Variants in KYAT3 observed in about 807,000 individuals in gnomAD.
The protein encoded by KYAT3 is kynurenine--oxoglutarate transaminase 3.
In KYAT3, 50 loss-of-function variants were observed where a neutral mutation model predicts 59.0. The observed-to-expected ratio is 0.85, with a 90% CI of 0.68 to 1.07. The LOEUF (loss-of-function observed/expected upper bound fraction) is 1.07, where lower values mean the gene tolerates loss of function less well. Among genes scored for constraint, KYAT3 ranks in the 50% least tolerant of loss-of-function variants. The probability of loss-of-function intolerance (pLI) is 0.00; values close to 1 mark genes in which losing one functional copy is unlikely to be tolerated. For synonymous variants in KYAT3, 148 were observed against 177.0 expected, an observed-to-expected ratio of 0.84 and a Z score of 1.30; for missense variants, 497 against 533.3, an observed-to-expected ratio of 0.93 and a Z score of 0.67.
intron 3 of KYAT3, 139 bp from the exon 4 acceptor site, chr1:88,968,953 A>T: frequency 1.7e-6 from 1 of 598,980 alleles, no homozygotes; most frequent in Non-Finnish European, 2.8e-6. Flanking sequence ...AGTTTCCAAC[A>T]AAAATTTACC....
downstream of KYAT3, among the ~76,000 whole-genome samples, chr1:88,933,353 T>C (rs1674949483): frequency 6.6e-6 from 1 of 150,630 alleles, no homozygotes. Flanking sequence ...GTGATACTTA[T>C]GGAAGGAAGG....
At chr1:88,944,102 G>A (rs1190447056) in intron 11 of KYAT3, among the ~76,000 whole-genome samples, 1 of 152,028 alleles carries the variant, frequency 6.6e-6, no homozygotes, top group African/African-American at 2.4e-5. Context: ...TTTGCTTTAA[G>A]GTCTGGGCAA....
chr1:88,949,081 C>T lies in KYAT3; in HGVS notation c.1141+10G>A. ...TCCGTATAGTTGAAATAATAAAAGC[C>T]TTTACAAACCTAGCAAAGACACATC... is the stretch of plus-strand genomic sequence containing the variant. On this transcript the variant is annotated intron_variant, in intron 11 of 13. Transcript: ENST00000260508. The T allele has an allele frequency of 6.5e-7, 1 of 1,527,902 alleles. No homozygotes were observed. The highest frequency in any genetic ancestry group is 1.7e-4 in the Middle Eastern group (1 of 5,718). The allele number at this position is 1,527,902 out of a possible 1,614,324, so 94.6% of individuals were successfully genotyped here.
intron 2 of KYAT3, among the ~76,000 whole-genome samples, chr1:88,975,534 T>C (rs1270264856): frequency 6.6e-6 from 1 of 152,204 alleles, no homozygotes; most frequent in African/African-American, 2.4e-5. Flanking sequence ...ACGTGGAAGG[T>C]GAGTGCTGTA....
chr1:88,983,082 A>G, intron 2 of KYAT3: 1 of 1,612,420 alleles, frequency 6.2e-7, no homozygotes, highest in Non-Finnish European at 8.5e-7. Flanking sequence ...CGTGAACTGG[A>G]ATGACCATAA....
At chr1:88,973,645 C>G (rs1182753968) in intron 2 of KYAT3, among the ~76,000 whole-genome samples, 10 of 152,150 alleles carry the variant, frequency 6.6e-5, no homozygotes, top group African/African-American at 1.9e-4. Context: ...CTAGTGAAAT[C>G]AAAGGTAGCA....
chr1:88,987,107 C>G (rs78869971), intron 2 of KYAT3, among the ~76,000 whole-genome samples: 1 of 152,192 alleles, frequency 6.6e-6, no homozygotes, highest in Non-Finnish European at 1.5e-5. Flanking sequence ...CTGGGACATA[C>G]ATCAGAATCA....
downstream of KYAT3, among the ~76,000 whole-genome samples, chr1:88,931,566 G>A (rs556373328): frequency 6.6e-6 from 1 of 152,034 alleles, no homozygotes; most frequent in African/African-American, 2.4e-5. Flanking sequence ...CTGTTGAGAG[G>A]GGGGACTGAG....
intron 2 of KYAT3, chr1:88,982,408 C>T (rs984166755): frequency 2.1e-5 from 19 of 893,598 alleles, no homozygotes; most frequent in Admixed American, 7.1e-5. Flanking sequence ...AACACTAGTA[C>T]TACAAGGCTT....
intron 2 of KYAT3, among the ~76,000 whole-genome samples, chr1:88,974,915 G>A (rs978785391): frequency 6.6e-6 from 1 of 152,198 alleles, no homozygotes; most frequent in African/African-American, 2.4e-5. Flanking sequence ...CAATCAGCAG[G>A]ATGTGGGCAG....
At chr1:88,981,256 C>A (rs1434806675) in intron 2 of KYAT3, 1 of 152,058 alleles carries the variant, frequency 6.6e-6, no homozygotes, top group Non-Finnish European at 1.5e-5. Context: ...TAAGCCACCA[C>A]AAAAAAATGT....
At chr1:88,974,324 AT>A (rs1676675686) in intron 2 of KYAT3, among the ~76,000 whole-genome samples, 1 of 151,848 alleles carries the variant, frequency 6.6e-6, no homozygotes, top group South Asian at 2.1e-4. Flanking sequence ...TATTTTATGA[AT>A]TTTCTGAGTC....
In KYAT3 at chr1:88,961,502, G is replaced by T. The variant is rs547112700; in HGVS notation, c.545C>A (p.Pro182His). ...ACTAGACCATCTTTTTCCATAAACA[G>T]GTTTCTAAGCATGAAGAATGAAGAT... is the stretch of plus-strand genomic sequence containing the variant. ...TPVFIPLRSK[P>H]VYGKRWSSSD... The change falls in exon 7 of 14, where the codon CCT becomes CAT. Residue 182 changes from proline to histidine, a missense_variant. Around this residue, in one of 2 missense-constraint regions of KYAT3, gnomAD observed 469 missense variants for 479.1 expected, o/e 0.98. Transcript: ENST00000260508. 1 of 1,609,550 alleles carries T rather than the reference G, an allele frequency of 6.2e-7. No homozygotes were observed. Among genetic ancestry groups the T allele is most frequent in the Admixed American group, 1.7e-5 (1 of 59,482 alleles).
intron 13 of KYAT3, among the ~76,000 whole-genome samples, 188 bp downstream of exon 13, chr1:88,942,817 C>A (rs1030656084): frequency 1.3e-5 from 2 of 152,020 alleles, no homozygotes; most frequent in African/African-American, 4.8e-5. Flanking sequence ...CCGCCTCGGC[C>A]TCCCAAAGTG....
chr1:88,979,986 A>G (rs897775894), intron 2 of KYAT3: 5 of 152,236 alleles, frequency 3.3e-5, no homozygotes, highest in Non-Finnish European at 7.3e-5. Flanking sequence ...CTACTCAGCA[A>G]TAAAAGGAAT....
chr1:88,953,191 T>C lies in KYAT3; in HGVS notation c.865-39A>G, dbSNP rs376578285. 5.0e-5 allele frequency: 68 copies of C among 1,360,508 alleles called. No homozygotes were observed. In the African/African-American group the frequency reaches 9.0e-4, roughly 18 times the overall value. The allele number at this position is 1,360,508 out of a possible 1,614,324, so 84.3% of individuals were successfully genotyped here. ...AGATAAAAGATTTCAGAAAATCTAA[T>C]TGTATATAACAAATCTGAGACAGCA... On this transcript the variant is annotated intron_variant, in intron 9 of 13. Transcript: ENST00000260508.
At position 88,983,343 on chromosome 1, in the gene KYAT3, G is replaced by C. The variant is rs375804050; in HGVS notation, c.99+4909C>G. 3.0e-5 allele frequency: 48 copies of C among 1,613,998 alleles called. No individual in the cohort carries two copies. The African/African-American group carries it at 6.1e-4, about 21-fold the overall frequency. The stretch of plus-strand genomic sequence containing the variant: ...AGTCCTGAAGGTGCAGATCTCTTAG[G>C]AGAAGGACCCCCACTTCTTGGTGGT... On this transcript the variant is annotated intron_variant, in intron 2 of 13. Transcript: ENST00000260508.
chr1:88,965,184 T>C (rs540285185), intron 4 of KYAT3, among the ~76,000 whole-genome samples: 2 of 152,334 alleles, frequency 1.3e-5, no homozygotes, highest in South Asian at 4.1e-4. Flanking sequence ...CATGAAGGCT[T>C]GCTAATGATT....
At chr1:88,949,062 T>C in intron 11 of KYAT3, 29 bp downstream of exon 11, 1 of 1,467,584 alleles carries the variant, frequency 6.8e-7, no homozygotes, top group East Asian at 2.6e-5. Context: ...AGTTTCCGTA[T>C]AGTTGAAATA....
Sources: gnomAD v4.1 joint callset for allele counts (sites outside exome capture counted in the v4.1 genomes callset) on GRCh38, gnomAD v4.1.1 for gene constraint, gnomAD v4.1.1 regional missense constraint, MANE v1.5 for transcripts, NCBI Gene and HGNC (gene_info 2026-07-23, HGNC 2026-07-21) for gene names.